Variants in KCNJ3 observed in about 807,000 individuals in gnomAD.
KCNJ3 encodes the protein potassium inwardly rectifying channel subfamily J member 3.
In KCNJ3, 4 loss-of-function variants were observed where a neutral mutation model predicts 39.2. The ratio of observed to expected loss-of-function variants is 0.10; its 90% CI spans 0.05 to 0.23. The LOEUF (loss-of-function observed/expected upper bound fraction) is 0.23. KCNJ3 is among the 10% of genes least tolerant of loss of function. The pLI, the probability that KCNJ3 is intolerant of heterozygous loss-of-function variation, is 1.00. For missense variants in KCNJ3, 276 were observed against 634.9 expected, an observed-to-expected ratio of 0.43 and a Z score of 6.08; for synonymous variants, 230 against 237.4, an observed-to-expected ratio of 0.97 and a Z score of 0.29.
intron 2 of KCNJ3, among the ~76,000 whole-genome samples, chr2:154,723,246 C>T (rs1432276205): frequency 6.6e-6 from 1 of 152,050 alleles, no homozygotes; most frequent in Admixed American, 6.6e-5. Flanking sequence ...GATGGCGCCA[C>T]TGCACTCCAG....
At chr2:154,723,028 C>T (rs527855241) in intron 2 of KCNJ3, among the ~76,000 whole-genome samples, 3 of 152,238 alleles carry the variant, frequency 2.0e-5, no homozygotes, top group African/African-American at 7.2e-5. Context: ...TGCCTGTCAT[C>T]CCAGCACTTT....
intron 2 of KCNJ3, among the ~76,000 whole-genome samples, chr2:154,845,384 G>A (rs531049269): frequency 3.3e-5 from 5 of 152,200 alleles, no homozygotes; most frequent in Middle Eastern, 6.8e-3. Flanking sequence ...CTCCCAAAGT[G>A]CTGGGATTAC....
chr2:154,758,044 A>C (rs111839752), intron 2 of KCNJ3, among the ~76,000 whole-genome samples: 15,344 of 152,186 alleles, frequency 0.1, 800 homozygotes, highest in East Asian at 0.19. Context: ...TCAGCATTTC[A>C]AATTTATTGG....
intron 2 of KCNJ3, among the ~76,000 whole-genome samples, chr2:154,728,449 C>T (rs1685397069): frequency 6.6e-6 from 1 of 152,132 alleles, no homozygotes; most frequent in African/African-American, 2.4e-5. Flanking sequence ...AGCATATATT[C>T]TCAAAGTTTT....
At chr2:154,735,939 C>T (rs1049549607) in intron 2 of KCNJ3, among the ~76,000 whole-genome samples, 3 of 152,036 alleles carry the variant, frequency 2.0e-5, no homozygotes, top group Non-Finnish European at 2.9e-5. Context: ...AAAAAATTAT[C>T]TCTATTCTTC....
chr2:154,803,366 AT>A (rs1686854237), intron 2 of KCNJ3, among the ~76,000 whole-genome samples: 1 of 152,016 alleles, frequency 6.6e-6, no homozygotes, highest in African/African-American at 2.4e-5. Context: ...AATTGGAATA[AT>A]TTAAAAATCA....
At chr2:154,814,644 A>C (rs1476542089) in intron 2 of KCNJ3, among the ~76,000 whole-genome samples, 2 of 152,178 alleles carry the variant, frequency 1.3e-5, no homozygotes, top group African/African-American at 4.8e-5. Context: ...TCTCAAAAAA[A>C]ATAAATAAAT....
intron 2 of KCNJ3, among the ~76,000 whole-genome samples, chr2:154,835,443 GA>G (rs56769277): frequency 1.0e-4 from 5 of 49,208 alleles, no homozygotes; most frequent in Non-Finnish European, 1.6e-4. Flanking sequence ...TAATATTCAT[GA>G]ATATGAATAT....
At chr2:154,724,541 A>T (rs1685316779) in intron 2 of KCNJ3, among the ~76,000 whole-genome samples, 1 of 152,106 alleles carries the variant, frequency 6.6e-6, no homozygotes, top group East Asian at 1.9e-4. Flanking sequence ...TTTCCTGCTC[A>T]TGCAGTGAGC....
At chr2:154,735,852 G>C (rs921650464) in intron 2 of KCNJ3, among the ~76,000 whole-genome samples, 10 of 152,152 alleles carry the variant, frequency 6.6e-5, no homozygotes, top group African/African-American at 2.4e-4. Context: ...CAAAGCAAAA[G>C]AAAACTGAGT....
At chr2:154,718,955 A>G (rs1328913624) in intron 2 of KCNJ3, among the ~76,000 whole-genome samples, 1 of 152,108 alleles carries the variant, frequency 6.6e-6, no homozygotes, top group Non-Finnish European at 1.5e-5. Flanking sequence ...TAAGCACAGG[A>G]AAATTGTAAT....
At chr2:154,706,118 A>G (rs897040941) in intron 1 of KCNJ3, among the ~76,000 whole-genome samples, 15 of 152,112 alleles carry the variant, frequency 9.9e-5, no homozygotes, top group South Asian at 2.1e-4. Flanking sequence ...AATTTAAATA[A>G]TTTACTGCAT....
intron 2 of KCNJ3, among the ~76,000 whole-genome samples, chr2:154,798,310 T>G (rs1490705858): frequency 6.6e-6 from 1 of 151,930 alleles, no homozygotes; most frequent in Non-Finnish European, 1.5e-5. Flanking sequence ...ATTCCTAGAC[T>G]AAACGTCCTA....
intron 2 of KCNJ3, among the ~76,000 whole-genome samples, chr2:154,802,660 T>C (rs2652448): frequency 0.47 from 71,330 of 151,918 alleles, 17,770 homozygotes; most frequent in Non-Finnish European, 0.57. Context: ...TTCATATACA[T>C]AATAACTCAT....
chr2:154,809,346 T>C (rs1393813362), intron 2 of KCNJ3, among the ~76,000 whole-genome samples: 2 of 152,178 alleles, frequency 1.3e-5, no homozygotes, highest in Non-Finnish European at 2.9e-5. Context: ...TTAGAATTTT[T>C]ATTTCATTAC....
At chr2:154,823,910 T>C (rs1461256682) in intron 2 of KCNJ3, among the ~76,000 whole-genome samples, 1 of 152,158 alleles carries the variant, frequency 6.6e-6, no homozygotes, top group Non-Finnish European at 1.5e-5. Context: ...ACTCATCATA[T>C]AATTGTTGAA....
At chr2:154,750,792 G>A (rs561425297) in intron 2 of KCNJ3, among the ~76,000 whole-genome samples, 5 of 151,864 alleles carry the variant, frequency 3.3e-5, no homozygotes, top group Non-Finnish European at 2.9e-5. Flanking sequence ...ATGAACAAAG[G>A]TGTAAGTTTT....
At position 154,738,146 on chromosome 2, in the gene KCNJ3, T is replaced by C. The variant is rs145117890; in HGVS notation, c.919+28327T>C. Among the ~76,000 whole-genome samples, 18 of 152,178 alleles carry C rather than the reference T, an allele frequency of 1.2e-4. 1 individual carries two copies. In the East Asian group the frequency reaches 2.9e-3, roughly 25 times the overall value. ...ACAACATGGATGGAAACGGAGATCATTGTGTTAAGTGAAACGAGCCAGGCA... is the reference window on the plus strand; with the variant it reads ...ACAACATGGATGGAAACGGAGATCACTGTGTTAAGTGAAACGAGCCAGGCA... On this transcript the variant is annotated intron_variant, in intron 2 of 2. Transcript: ENST00000295101.
intron 2 of KCNJ3, among the ~76,000 whole-genome samples, chr2:154,755,626 G>A (rs1049819045): frequency 4.7e-5 from 7 of 147,710 alleles, no homozygotes; most frequent in Non-Finnish European, 7.5e-5. Flanking sequence ...TAAAATCTAC[G>A]AGGGCATAAA....
Sources: gnomAD v4.1 joint callset for allele counts (sites outside exome capture counted in the v4.1 genomes callset) on GRCh38, gnomAD v4.1.1 for gene constraint, MANE v1.5 for transcripts, NCBI Gene and HGNC (gene_info 2026-07-23, HGNC 2026-07-21) for gene names.